COL5A2: variants seen among roughly 807,000 people sequenced by gnomAD.
COL5A2 encodes the protein collagen alpha-2(V) chain.
COL5A2 carries 23 observed loss-of-function variants against 208.2 expected under a neutral mutation model. The observed-to-expected ratio is 0.11, with a 90% confidence interval of 0.08 to 0.16. COL5A2 has a LOEUF of 0.16. Ranked by LOEUF, COL5A2 falls within the 10% of genes least tolerant of loss-of-function variation. The pLI is 1.00. For missense variants in COL5A2, 1,590 were observed against 1,956.4 expected (o/e 0.81, Z 3.53); for synonymous variants, 625 against 628.5 (o/e 0.99, Z 0.08).
chr2:189,281,659 C>T, the COL5A2 span, among the ~76,000 whole-genome samples: 3 of 152,134 alleles, frequency 2.0e-5, no homozygotes, highest in South Asian at 6.2e-4. Context: ...GTAAGTTCAA[C>T]TGTCTTTAAA....
At chr2:189,119,292 A>C (rs1329970682) in intron 1 of COL5A2, among the ~76,000 whole-genome samples, 1 of 152,200 alleles carries the variant, frequency 6.6e-6, no homozygotes, top group East Asian at 1.9e-4. Context: ...TAGAGGAAGG[A>C]GGATGAGACA....
chr2:189,053,259 C>A (rs1685830012), intron 38 of COL5A2, among the ~76,000 whole-genome samples, 165 bp downstream of exon 38: 1 of 152,082 alleles, frequency 6.6e-6, no homozygotes. Flanking sequence ...CTAGCACAAA[C>A]AAGTTTTGTG....
the COL5A2 span, among the ~76,000 whole-genome samples, chr2:189,319,060 T>C: frequency 1.3e-5 from 2 of 152,002 alleles, no homozygotes; most frequent in Non-Finnish European, 2.9e-5. Flanking sequence ...ATTTTAGACA[T>C]ATTTGAGAAA....
At chr2:189,221,977 C>G (rs1689352161) in intron 1 of COL5A2, among the ~76,000 whole-genome samples, 1 of 151,908 alleles carries the variant, frequency 6.6e-6, no homozygotes, top group Admixed American at 6.6e-5. Flanking sequence ...GTACATAAGA[C>G]AGTTGTACCA....
chr2:189,198,731 T>TAC (rs1297939582), intron 1 of COL5A2, among the ~76,000 whole-genome samples: 1 of 59,920 alleles, frequency 1.7e-5, no homozygotes, highest in Non-Finnish European at 6.6e-5. Flanking sequence ...CTGTAAAACA[T>TAC]ATATGTTTTC....
the COL5A2 span, among the ~76,000 whole-genome samples, chr2:189,269,783 T>A: frequency 2.0e-5 from 3 of 152,182 alleles, no homozygotes; most frequent in Non-Finnish European, 4.4e-5. Context: ...CCTCTTTTTC[T>A]ACTGTTTGGA....
At chr2:189,137,031 G>A (rs893835485) in intron 1 of COL5A2, among the ~76,000 whole-genome samples, 3 of 152,134 alleles carry the variant, frequency 2.0e-5, no homozygotes, top group African/African-American at 7.2e-5. Context: ...TCTCTTTAGT[G>A]TAGTAGAAAT....
rs34736257 is a variant in COL5A2 at position 189,212,864 on chromosome 2, A to AAT, written c.-42+12282_-42+12283dup. 4.8e-3 allele frequency among the ~76,000 whole-genome samples: 688 copies of AAT among 144,230 alleles called. 7 individuals are homozygous for AAT. The highest frequency in any genetic ancestry group is 0.012 in the East Asian group (57 of 4,928). The allele number at this position is 144,230 out of a possible 152,430, so 94.6% of individuals were successfully genotyped here. A position where few individuals can be genotyped will look rare whatever the true frequency, so the allele number is the denominator to read the frequency against. ...TTTTAACACTATAAATATAGTGTTAAATATATATATATATATATATACACA... is the reference window on the plus strand; with the variant it reads ...TTTTAACACTATAAATATAGTGTTAAATATATATATATATATATATATACACA... On this transcript the variant is annotated intron_variant, in intron 1 of 10. Transcript: ENST00000649966.
chr2:189,196,218 A>G (rs927856591), intron 1 of COL5A2, among the ~76,000 whole-genome samples: 3 of 152,048 alleles, frequency 2.0e-5, no homozygotes, highest in South Asian at 2.1e-4. Flanking sequence ...TCAGTACTTC[A>G]AAGGTGGTGT....
chr2:189,246,821 G>C, the COL5A2 span, among the ~76,000 whole-genome samples: 1 of 152,202 alleles, frequency 6.6e-6, no homozygotes, highest in African/African-American at 2.4e-5. Flanking sequence ...GGGGAAAACT[G>C]GTGGTTGAAG....
chr2:189,079,857 C>T (rs938716329), intron 14 of COL5A2, 121 bp downstream of exon 14: 1 of 853,988 alleles, frequency 1.2e-6, no homozygotes, highest in East Asian at 2.5e-5. Flanking sequence ...GTTTATTTAC[C>T]TAACCATTTG....
chr2:189,402,255 A>G, the COL5A2 span, among the ~76,000 whole-genome samples: 1 of 152,012 alleles, frequency 6.6e-6, no homozygotes, highest in East Asian at 1.9e-4. Flanking sequence ...GTCTCGCTCT[A>G]TCACCAGGCT....
At chr2:189,262,153 A>G in the COL5A2 span, among the ~76,000 whole-genome samples, 7 of 152,146 alleles carry the variant, frequency 4.6e-5, no homozygotes, top group Non-Finnish European at 1.0e-4. Flanking sequence ...AAGATTACAT[A>G]CAAATAATTT....
chr2:189,085,799 C>A (rs1686645788), intron 9 of COL5A2, 27 bp from the exon 10 acceptor site: 1 of 1,577,336 alleles, frequency 6.3e-7, no homozygotes, highest in Non-Finnish European at 8.7e-7. Flanking sequence ...AGTATATATA[C>A]AAACCAAGGA....
chr2:189,233,862 G>A, the COL5A2 span, among the ~76,000 whole-genome samples: 1 of 151,644 alleles, frequency 6.6e-6, no homozygotes, highest in Admixed American at 6.6e-5. Context: ...GCTACAAAAT[G>A]TCAATTTTTG....
chr2:189,321,052 T>C, the COL5A2 span, among the ~76,000 whole-genome samples: 3 of 152,202 alleles, frequency 2.0e-5, no homozygotes, highest in African/African-American at 7.2e-5. Flanking sequence ...CAGAATTTCA[T>C]ATCCAGCCAA....
chr2:189,116,506 A>C (rs1395742113), intron 1 of COL5A2, among the ~76,000 whole-genome samples: 2 of 152,190 alleles, frequency 1.3e-5, no homozygotes, highest in Admixed American at 6.5e-5. Context: ...ATACATATGA[A>C]GCCACCAGGG....
chr2:189,333,605 T>G, the COL5A2 span, among the ~76,000 whole-genome samples: 1 of 152,088 alleles, frequency 6.6e-6, no homozygotes, highest in Admixed American at 6.5e-5. Flanking sequence ...TATTTGGACT[T>G]TGGGTCTTTA....
At position 189,062,846 on chromosome 2, in the gene COL5A2, A is replaced by G. The variant is rs377033487; in HGVS notation, c.1977+19T>C. Reference sequence around the variant, plus strand: ...TGTATATATATATTCTCACACACACACACACAAAAATCACATACCGGCGGG... The same window carrying G: ...TGTATATATATATTCTCACACACACGCACACAAAAATCACATACCGGCGGG... On this transcript the variant is annotated intron_variant, in intron 29 of 53. Transcript: ENST00000374866. The G allele has an allele frequency of 1.9e-6, 3 of 1,614,006 alleles. No individual in the cohort carries two copies. The highest frequency in any genetic ancestry group is 2.5e-6 in the Non-Finnish European group (3 of 1,180,010).
Sources: allele counts gnomAD v4.1 joint callset (sites outside exome capture counted in the v4.1 genomes callset), GRCh38; gene constraint gnomAD v4.1.1; transcripts MANE v1.5; gene names NCBI Gene and HGNC (gene_info 2026-07-23, HGNC 2026-07-21).